The following AJM1 variants were observed in gnomAD, a reference collection of about 807,000 sequenced individuals.
AJM1 encodes the protein apical junction component 1 homolog, also known as uncharacterized protein C9orf172.
Under a neutral mutation model 43.0 loss-of-function variants are expected in AJM1, and 22 were observed. The ratio of observed to expected loss-of-function variants is 0.51; its 90% CI spans 0.37 to 0.73. The LOEUF (loss-of-function observed/expected upper bound fraction) is 0.73. Among genes scored for constraint, AJM1 ranks in the 30% least tolerant of loss-of-function variants. The pLI is 0.00. For synonymous variants in AJM1, 719 were observed against 638.3 expected (o/e 1.13, Z -1.91); for missense variants, 1,305 against 1,343.3 (o/e 0.97, Z 0.45).
In AJM1 at chr9:136,845,814, G is replaced by A; in HGVS notation, c.1400G>A (p.Arg467His). 1 of 1,566,118 alleles carries A rather than the reference G, an allele frequency of 6.4e-7. No individual in the cohort carries two copies. The highest frequency in any genetic ancestry group is 8.6e-7 in the Non-Finnish European group (1 of 1,160,842). The change falls in exon 3 of 3, where the codon CGC becomes CAC. Residue 467 changes from arginine (R) to histidine (H), a missense_variant. Physicochemically the swap from Arg to His is conservative, Grantham distance 29. Coordinates refer to ENST00000436881, the MANE Select transcript of AJM1 (RefSeq NM_001080482.5). ...PRREDPLGRGRSYENLLGREV... is the reference protein window; with the variant it reads ...PRREDPLGRGHSYENLLGREV... Reference sequence around the variant, plus strand: ...CGAGAAGACCCGTTGGGCCGCGGCCGCAGCTACGAGAACCTGCTGGGGCGC... The same window carrying A: ...CGAGAAGACCCGTTGGGCCGCGGCCACAGCTACGAGAACCTGCTGGGGCGC...
intron 1 of AJM1, among the ~76,000 whole-genome samples, chr9:136,842,909 C>T (rs1588379018): frequency 1.3e-5 from 2 of 151,932 alleles, no homozygotes; most frequent in African/African-American, 4.8e-5. Context: ...GCCTCACACC[C>T]TGTCATCCGG....
chr9:136,846,436 G>T lies in AJM1; in HGVS notation c.2022G>T (p.Glu674Asp). The change falls in exon 3 of 3, where the codon GAG becomes GAT. Residue 674 changes from glutamate (E) to aspartate (D), a missense_variant. Coordinates refer to ENST00000436881, the MANE Select transcript of AJM1 (RefSeq NM_001080482.5). Reference protein sequence around the residue: ...TCSNARCRRTETMFNACLYFK... With the variant: ...TCSNARCRRTDTMFNACLYFK... ...CCAATGCGCGCTGCCGGCGCACCGA[G>T]ACCATGTTCAACGCCTGCCTCTACT... The T allele has an allele frequency of 6.3e-7, 1 of 1,593,416 alleles. No individual in the cohort carries two copies.
At chr9:136,842,610 T>C (rs1250951541) in intron 1 of AJM1, among the ~76,000 whole-genome samples, 21 bp downstream of exon 1, 1 of 152,136 alleles carries the variant, frequency 6.6e-6, no homozygotes, top group Admixed American at 6.5e-5. Context: ...AGGGGCCGAG[T>C]TGCTGAGTGT....
rs1314798663 is a variant in AJM1 at position 136,846,912 on chromosome 9, C to T, written c.2498C>T (p.Pro833Leu). Residue 833 changes from proline to leucine, a missense_variant, in exon 3 of 3, where the codon CCC becomes CTC. Physicochemically the swap from Pro to Leu is moderately conservative, Grantham distance 98 (BLOSUM62 -3). This residue lies in a region of AJM1 where 391 missense variants were observed against 507.5 expected (regional missense o/e 0.77). Transcript: ENST00000436881. ...GCGCCACCGGGGACACCGGCCCTGCCCGCGCCCGCGCCACGCAGCCACGGG... is the reference window on the plus strand; with the variant it reads ...GCGCCACCGGGGACACCGGCCCTGCTCGCGCCCGCGCCACGCAGCCACGGG... Reference protein sequence around the residue: ...GTAPPGTPALPAPAPRSHGPT... With the variant: ...GTAPPGTPALLAPAPRSHGPT... The T allele has an allele frequency of 2.1e-6, 3 of 1,458,834 alleles. No individual in the cohort carries two copies. The African/African-American group carries it at 4.5e-5, about 22-fold the overall frequency. 90.4% of individuals were successfully genotyped at this position (1,458,834 alleles called of 1,614,324 possible). A position where few individuals can be genotyped will look rare whatever the true frequency, so the allele number is the denominator to read the frequency against.
At position 136,847,561 on chromosome 9, in the gene AJM1, T is replaced by C. The variant is rs1848797478; in HGVS notation, c.*216T>C. On this transcript the variant is annotated 3_prime_UTR_variant, in exon 3 of 3. Coordinates refer to ENST00000436881, the MANE Select transcript of AJM1 (RefSeq NM_001080482.5). ...CCCACCCCCCGGCCCTTCGTCCCCGTAGTGTTCCTCACAGGCCCTTCGCCT... is the reference window on the plus strand; with the variant it reads ...CCCACCCCCCGGCCCTTCGTCCCCGCAGTGTTCCTCACAGGCCCTTCGCCT... 1 of 467,190 alleles carries C rather than the reference T, an allele frequency of 2.1e-6. No individual in the cohort carries two copies. Among genetic ancestry groups the C allele is most frequent in the East Asian group, 3.7e-5 (1 of 27,272 alleles). The allele number at this position is 467,190 out of a possible 1,614,324, so 28.9% of individuals were successfully genotyped here. A position where few individuals can be genotyped will look rare whatever the true frequency, so the allele number is the denominator to read the frequency against.
At position 136,844,556 on chromosome 9, in the gene AJM1, C is replaced by A. The variant is rs375917223; in HGVS notation, c.142C>A (p.Arg48Ser). 4.6e-5 allele frequency: 73 copies of A among 1,603,898 alleles called. 1 individual carries two copies. In the Admixed American group the frequency reaches 1.1e-3, roughly 24 times the overall value. ...RPAEPAPFNK[R>S]HCRSFDFLEA... The stretch of plus-strand genomic sequence containing the variant: ...TGCTGAGCCCGCGCCTTTCAACAAG[C>A]GCCACTGCCGCAGCTTCGACTTCCT... The change falls in exon 3 of 3, where the codon CGC becomes AGC. Residue 48 changes from arginine to serine, a missense_variant. By Grantham distance (110) the Arg-to-Ser change is moderately radical. Coordinates refer to ENST00000436881, the MANE Select transcript of AJM1 (RefSeq NM_001080482.5).
chr9:136,845,268 A>G lies in AJM1; in HGVS notation c.854A>G (p.Glu285Gly), dbSNP rs1848754517. The change falls in exon 3 of 3, where the codon GAG (glutamate) becomes GGG (glycine). Residue 285 changes from glutamate (E) to glycine (G), a missense_variant. Glu to Gly is a moderately conservative substitution (Grantham distance 98). Around this residue, in one of 6 missense-constraint regions of AJM1, gnomAD observed 653 missense variants for 549.1 expected, o/e 1.19. Coordinates refer to ENST00000436881, the MANE Select transcript of AJM1 (RefSeq NM_001080482.5). ...PPGPTQFFYT[E>G]EPQGFRGSFA... is the part of the protein sequence containing the mutation. Reference sequence around the variant, plus strand: ...GGCCCCACCCAGTTCTTCTATACAGAGGAGCCCCAAGGCTTCCGGGGCAGC... The same window carrying G: ...GGCCCCACCCAGTTCTTCTATACAGGGGAGCCCCAAGGCTTCCGGGGCAGC... The G allele has an allele frequency of 6.2e-7, 1 of 1,607,630 alleles. No individual in the cohort carries two copies. Among genetic ancestry groups the G allele is most frequent in the Non-Finnish European group, 8.5e-7 (1 of 1,179,432 alleles).
At position 136,846,105 on chromosome 9, in the gene AJM1, C is replaced by A. The variant is rs1848771238; in HGVS notation, c.1691C>A (p.Ala564Glu). The A allele has an allele frequency of 6.5e-7, 1 of 1,527,512 alleles. No homozygotes were observed. Among genetic ancestry groups the A allele is most frequent in the Non-Finnish European group, 8.8e-7 (1 of 1,142,322 alleles). 94.6% of individuals were successfully genotyped at this position (1,527,512 alleles called of 1,614,324 possible). ...PGGRTRPPPH[A>E]APDGPTSGRQ... ...GGCCGCACGCGGCCACCTCCCCACG[C>A]GGCCCCCGACGGCCCCACCTCTGGC... The change falls in exon 3 of 3, where the codon GCG (alanine) becomes GAG (glutamate). Residue 564 changes from alanine to glutamate, a missense_variant. By Grantham distance (107) the Ala-to-Glu change is moderately radical. Transcript: ENST00000436881.
In AJM1 at chr9:136,842,606, C is replaced by T. The variant is rs947463050; in HGVS notation, c.-144+17C>T. Among the ~76,000 whole-genome samples, 7 of 152,202 alleles carry T rather than the reference C, an allele frequency of 4.6e-5. No individual in the cohort carries two copies. The highest frequency in any genetic ancestry group is 6.5e-5 in the Admixed American group (1 of 15,288). On this transcript the variant is annotated intron_variant, in intron 1 of 2. Transcript: ENST00000436881. ...AGCACCCAGGTAAGGGGCTAGGGGC[C>T]GAGTTGCTGAGTGTGTCACCGTCAT...
At position 136,844,508 on chromosome 9, in the gene AJM1, T is replaced by C. The variant is rs1848739686; in HGVS notation, c.94T>C (p.Cys32Arg). Reference protein sequence around the residue: ...TPGPASKCSPCERSVARPAEP... With the variant: ...TPGPASKCSPRERSVARPAEP... The stretch of plus-strand genomic sequence containing the variant: ...GGGACCCGCGTCCAAGTGCTCGCCA[T>C]GTGAGCGATCCGTGGCCCGGCCTGC... The change falls in exon 3 of 3, where the codon TGT becomes CGT. Residue 32 changes from cysteine to arginine, a missense_variant. Physicochemically the swap from Cys to Arg is radical, Grantham distance 180. Around this residue, in one of 6 missense-constraint regions of AJM1, gnomAD observed 128 missense variants for 120.6 expected, o/e 1.06. Transcript: ENST00000436881. 11 of 1,609,542 alleles carry C rather than the reference T, an allele frequency of 6.8e-6. No individual in the cohort carries two copies. Among genetic ancestry groups the C allele is most frequent in the African/African-American group, 1.3e-5 (1 of 74,664 alleles).
rs552824528 is a variant in AJM1 at position 136,846,402 on chromosome 9, T to C, written c.1988T>C (p.Met663Thr). The change falls in exon 3 of 3, where the codon ATG becomes ACG. Residue 663 changes from methionine to threonine, a missense_variant. By Grantham distance (81) the Met-to-Thr change is moderately conservative (BLOSUM62 -1). Coordinates refer to ENST00000436881, the MANE Select transcript of AJM1 (RefSeq NM_001080482.5). ...PEPSADEDDLMTCSNARCRRT... is the reference protein window; with the variant it reads ...PEPSADEDDLTTCSNARCRRT... The stretch of plus-strand genomic sequence containing the variant: ...CCCAGCGCCGACGAGGACGACCTGA[T>C]GACCTGCTCCAATGCGCGCTGCCGG... 6.3e-7 allele frequency: 1 copy of C among 1,576,848 alleles called. No homozygotes were observed. Among genetic ancestry groups the C allele is most frequent in the African/African-American group, 1.4e-5 (1 of 72,900 alleles).
rs767749735 is a variant in AJM1, at chr9:136,847,149, T to C, written c.2735T>C (p.Phe912Ser). 6 of 1,599,240 alleles carry C rather than the reference T, an allele frequency of 3.8e-6. No homozygotes were observed. The highest frequency in any genetic ancestry group is 5.1e-6 in the Non-Finnish European group (6 of 1,178,256). Residue 912 changes from phenylalanine (F) to serine (S), a missense_variant, in exon 3 of 3, where the codon TTC becomes TCC. Coordinates refer to ENST00000436881, the MANE Select transcript of AJM1 (RefSeq NM_001080482.5). ...IQRELRLRGV[F>S]LRHEFPRVYE... ...CGCGAGCTGCGGCTGCGCGGCGTCT[T>C]CCTGCGCCACGAGTTCCCGCGCGTC...
At chr9:136,842,716 G>A (rs928528715) in intron 1 of AJM1, among the ~76,000 whole-genome samples, 127 bp downstream of exon 1, 2 of 152,154 alleles carry the variant, frequency 1.3e-5, no homozygotes, top group East Asian at 1.9e-4. Flanking sequence ...TTGAAGGGCC[G>A]CTCCCAGCCA....
In AJM1 at chr9:136,845,649, T is replaced by G. The variant is rs1162518124; in HGVS notation, c.1235T>G (p.Leu412Arg). 1.9e-6 allele frequency: 3 copies of G among 1,577,426 alleles called. No homozygotes were observed. Among genetic ancestry groups the G allele is most frequent in the Non-Finnish European group, 2.6e-6 (3 of 1,169,114 alleles). Residue 412 changes from leucine (L) to arginine (R), a missense_variant, in exon 3 of 3, where the codon CTG (leucine) becomes CGG (arginine). By Grantham distance (102) the Leu-to-Arg change is moderately radical. Coordinates refer to ENST00000436881, the MANE Select transcript of AJM1 (RefSeq NM_001080482.5). ...ADWGPRPYRT[L>R]QVVPPSDPDP... ...TGGGGCCCGCGACCGTACCGCACCC[T>G]GCAAGTGGTGCCGCCCTCTGACCCC...
Position 136,846,348 on chromosome 9 carries a change from C to T in AJM1, c.1934C>T (p.Pro645Leu). The change falls in exon 3 of 3, where the codon CCG becomes CTG. Residue 645 changes from proline (P) to leucine (L), a missense_variant. Physicochemically the swap from Pro to Leu is moderately conservative, Grantham distance 98. Coordinates refer to ENST00000436881, the MANE Select transcript of AJM1 (RefSeq NM_001080482.5). ...SAGSAEEPAA[P>L]GEAADASPEP... ...GGCAGCGCCGAGGAGCCCGCGGCCC[C>T]GGGAGAGGCGGCCGACGCGTCCCCC... The T allele has an allele frequency of 5.0e-6, 7 of 1,388,024 alleles. No individual in the cohort carries two copies. The highest frequency in any genetic ancestry group is 6.5e-6 in the Non-Finnish European group (7 of 1,069,302). 86.0% of individuals were successfully genotyped at this position (1,388,024 alleles called of 1,614,324 possible). A position where few individuals can be genotyped will look rare whatever the true frequency, so the allele number is the denominator to read the frequency against.
Position 136,846,996 on chromosome 9 carries a change from C to A in AJM1, c.2582C>A (p.Pro861His). Residue 861 changes from proline to histidine, a missense_variant, in exon 3 of 3, where the codon CCC becomes CAC. This residue lies in a region of AJM1 where 391 missense variants were observed against 507.5 expected (regional missense o/e 0.77). Transcript: ENST00000436881. Reference sequence around the variant, plus strand: ...GCGGCCGGCAGCCCCGCGCGGCCGCCCCCGGCGCGGAGCCGCGAGCCCGAC... The same window carrying A: ...GCGGCCGGCAGCCCCGCGCGGCCGCACCCGGCGCGGAGCCGCGAGCCCGAC... ...ALAAGSPARP[P>H]PARSREPDME... 2 of 1,233,612 alleles carry A rather than the reference C, an allele frequency of 1.6e-6. No individual in the cohort carries two copies. The highest frequency in any genetic ancestry group is 1.1e-6 in the Non-Finnish European group (1 of 938,594). 76.4% of individuals were successfully genotyped at this position (1,233,612 alleles called of 1,614,324 possible).
Position 136,848,116 on chromosome 9 carries a change from G to A in AJM1, c.*771G>A, listed in dbSNP as rs1156578771. 1 of 152,390 alleles carries A rather than the reference G, an allele frequency of 6.6e-6. No individual in the cohort carries two copies. Among genetic ancestry groups the A allele is most frequent in the Non-Finnish European group, 1.5e-5 (1 of 68,144 alleles). The allele number at this position is 152,390 out of a possible 1,614,324, so 9.4% of individuals were successfully genotyped here. ...CAGGAGCTGGGAAAAACCGCAGGGA[G>A]GTCTTCAGGCCGATATGCAAGTCTC... On this transcript the variant is annotated 3_prime_UTR_variant, in exon 3 of 3. Transcript: ENST00000436881.
Position 136,846,424 on chromosome 9 carries a change from C to T in AJM1, c.2010C>T (p.Cys670=), listed in dbSNP as rs780411950. 4 of 1,591,184 alleles carry T rather than the reference C, an allele frequency of 2.5e-6. No individual in the cohort carries two copies. The East Asian group carries it at 6.8e-5, about 27-fold the overall frequency. The part of the protein sequence containing the change: ...DDLMTCSNAR[C]RRTETMFNAC... Reference sequence around the variant, plus strand: ...TGATGACCTGCTCCAATGCGCGCTGCCGGCGCACCGAGACCATGTTCAACG... The same window carrying T: ...TGATGACCTGCTCCAATGCGCGCTGTCGGCGCACCGAGACCATGTTCAACG... The change falls in exon 3 of 3, where the codon TGC becomes TGT. Residue 670 remains cysteine, a synonymous_variant. Transcript: ENST00000436881.
intron 1 of AJM1, among the ~76,000 whole-genome samples, chr9:136,843,054 C>T (rs1226442720): frequency 1.3e-5 from 2 of 149,082 alleles, no homozygotes; most frequent in African/African-American, 2.5e-5. Flanking sequence ...GCCTGGGACT[C>T]GTGGCCCTGA....
Sources: gnomAD v4.1 joint callset for allele counts (sites outside exome capture counted in the v4.1 genomes callset) on GRCh38, gnomAD v4.1.1 for gene constraint, gnomAD v4.1.1 regional missense constraint, MANE v1.5 for transcripts, NCBI Gene and HGNC (gene_info 2026-07-23, HGNC 2026-07-21) for gene names.